The following PHKA1 variants were observed in gnomAD, a reference collection of about 807,000 sequenced individuals.
The protein encoded by PHKA1 is phosphorylase b kinase regulatory subunit alpha, skeletal muscle isoform.
PHKA1 carries 60 observed loss-of-function variants against 110.2 expected under a neutral mutation model. The ratio of observed to expected loss-of-function variants is 0.54; its 90% confidence interval spans 0.44 to 0.68. The LOEUF (loss-of-function observed/expected upper bound fraction) is 0.68. PHKA1 is among the 30% of genes least tolerant of loss of function. The probability of loss-of-function intolerance (pLI) is 0.00; values close to 1 mark genes in which losing one functional copy is unlikely to be tolerated. For synonymous variants in PHKA1, 316 were observed against 333.6 expected, an observed-to-expected ratio of 0.95 and a Z score of 0.58; for missense variants, 801 against 942.5, an observed-to-expected ratio of 0.85 and a Z score of 1.97.
intron 5 of PHKA1, among the ~76,000 whole-genome samples, chrX:72,679,020 G>T (rs1221329753): frequency 1.8e-5 from 2 of 111,829 alleles, no homozygotes; most frequent in Admixed American, 9.5e-5. Flanking sequence ...ATCTGCAGAG[G>T]GTCCCCCTCA....
intron 5 of PHKA1, among the ~76,000 whole-genome samples, chrX:72,677,262 G>A (rs1295626507): frequency 6.2e-5 from 7 of 112,142 alleles, no homozygotes; most frequent in Non-Finnish European, 1.3e-4. Context: ...TCATAGCAGG[G>A]ATATACAATG....
chrX:72,695,601 T>C (rs782074746), intron 4 of PHKA1, 107 bp downstream of exon 4: 1 of 740,128 alleles, frequency 1.4e-6, no homozygotes, highest in African/African-American at 2.1e-5. Flanking sequence ...AATACCTGTT[T>C]CATGAAGATC....
intron 30 of PHKA1, 37 bp from the exon 31 acceptor site, chrX:72,582,635 C>T (rs1556204714): frequency 3.2e-6 from 3 of 930,636 alleles, no homozygotes; most frequent in Non-Finnish European, 4.6e-6. Context: ...TCCTAAGAGT[C>T]CATCATCCAA....
chrX:72,619,142 T>C, intron 20 of PHKA1, 72 bp downstream of exon 20: 1 of 642,634 alleles, frequency 1.6e-6, no homozygotes, highest in Non-Finnish European at 2.6e-6. Flanking sequence ...CCATAATGAC[T>C]AGTCCTATTA....
At chrX:72,678,132 A>T (rs1222639724) in intron 5 of PHKA1, among the ~76,000 whole-genome samples, 1 of 111,390 alleles carries the variant, frequency 9.0e-6, no homozygotes, top group African/African-American at 3.3e-5. Flanking sequence ...ATCTTATCTC[A>T]TATTTTCCCC....
At chrX:72,694,186 T>C (rs1189685605) in intron 4 of PHKA1, among the ~76,000 whole-genome samples, 1 of 111,722 alleles carries the variant, frequency 9.0e-6, no homozygotes, top group African/African-American at 3.3e-5. Context: ...ATACTACCAC[T>C]TAAATCTCAC....
intron 6 of PHKA1, among the ~76,000 whole-genome samples, chrX:72,671,818 C>G (rs1356162252): frequency 9.0e-5 from 10 of 111,028 alleles, no homozygotes; most frequent in Non-Finnish European, 1.5e-4. Flanking sequence ...ACAAACCTGA[C>G]AAAAACAAGC....
chrX:72,613,844 T>C (rs1315619407), intron 21 of PHKA1, among the ~76,000 whole-genome samples: 1 of 111,971 alleles, frequency 8.9e-6, no homozygotes, highest in East Asian at 2.8e-4. Flanking sequence ...TAGTAATGTA[T>C]AATCTGAATT....
chrX:72,647,294 G>A (rs1163236576), intron 13 of PHKA1, among the ~76,000 whole-genome samples: 1 of 111,616 alleles, frequency 9.0e-6, no homozygotes, highest in African/African-American at 3.3e-5. Flanking sequence ...TGAGAGAGAG[G>A]ATTCCCTAGG....
At chrX:72,706,194 G>A (rs1295094934) in intron 2 of PHKA1, among the ~76,000 whole-genome samples, 2 of 111,810 alleles carry the variant, frequency 1.8e-5, no homozygotes, top group African/African-American at 3.2e-5. Context: ...CTTTTATTGA[G>A]GGAAAAATAA....
In PHKA1 at chrX:72,667,095, C is replaced by T. The variant is rs112936043; in HGVS notation, c.717+280G>A. ...AAAAGGAGATACTCAGAAAGAGAGA[C>T]CATATCCCTTTGATATGATAGTGGT... On this transcript the variant is annotated intron_variant, in intron 7 of 31. Coordinates refer to ENST00000373542, the MANE Select transcript of PHKA1 (RefSeq NM_002637.4). 8.2e-3 allele frequency among the ~76,000 whole-genome samples: 924 copies of T among 112,239 alleles called. 15 individuals carry two copies. The highest frequency in any genetic ancestry group is 0.028 in the African/African-American group (877 of 30,908).
At chrX:72,657,484 G>A in intron 9 of PHKA1, 104 bp downstream of exon 9, 1 of 581,352 alleles carries the variant, frequency 1.7e-6, no homozygotes, top group Non-Finnish European at 2.9e-6. Context: ...CCTACTTAGT[G>A]ATCTCTATAA....
At chrX:72,667,580 A>G in intron 6 of PHKA1, 107 bp from the exon 7 acceptor site, 1 of 572,940 alleles carries the variant, frequency 1.7e-6, no homozygotes, top group Non-Finnish European at 3.0e-6. Flanking sequence ...ACTTTTGAAT[A>G]TGTCTGACAG....
intron 8 of PHKA1, among the ~76,000 whole-genome samples, chrX:72,661,743 C>CAAAAAA (rs782779792): frequency 3.0e-5 from 1 of 33,110 alleles, no homozygotes; most frequent in Non-Finnish European, 6.3e-5. Context: ...AATGTACTGA[C>CAAAAAA]AAAAAAAAAA....
Position 72,667,440 on chromosome X carries a change from A to G in PHKA1, c.652T>C (p.Phe218Leu). Reference protein sequence around the residue: ...ALEALDELDLFGVKGGPQSVI... With the variant: ...ALEALDELDLLGVKGGPQSVI... The stretch of plus-strand genomic sequence containing the variant: ...GATTGAGGCCCACCTTTCACACCAA[A>G]CAGATCCAGTTCATCTAATGCTTCC... Residue 218 changes from phenylalanine to leucine, a missense_variant, in exon 7 of 32, where the codon TTT becomes CTT. Coordinates refer to ENST00000373542, the MANE Select transcript of PHKA1 (RefSeq NM_002637.4). The G allele has an allele frequency of 1.7e-6, 2 of 1,210,354 alleles. No individual in the cohort carries two copies. The highest frequency in any genetic ancestry group is 1.1e-6 in the Non-Finnish European group (1 of 894,192).
chrX:72,677,514 T>C (rs993348444), intron 5 of PHKA1, among the ~76,000 whole-genome samples: 27 of 112,198 alleles, frequency 2.4e-4, no homozygotes, highest in African/African-American at 8.7e-4. Context: ...GATTTTCCAG[T>C]TCTCTTCATT....
rs781997005 is a variant in PHKA1, at chrX:72,667,831, A to T, written c.619-358T>A. On this transcript the variant is annotated intron_variant, in intron 6 of 31. Coordinates refer to ENST00000373542, the MANE Select transcript of PHKA1 (RefSeq NM_002637.4). ...TCTTACTTTTCTAAATATATTTTTG[A>T]TCATAAAAGTAAAACACACTCCTTA... 1.1e-4 allele frequency among the ~76,000 whole-genome samples: 12 copies of T among 111,836 alleles called. No homozygotes were observed. In the South Asian group the frequency reaches 4.4e-3, roughly 41 times the overall value.
chrX:72,632,132 T>A (rs1437820850), intron 16 of PHKA1, among the ~76,000 whole-genome samples: 3 of 112,053 alleles, frequency 2.7e-5, no homozygotes, highest in Non-Finnish European at 5.6e-5. Flanking sequence ...ATTCTTTGTG[T>A]GTTCTGCCTT....
At position 72,620,867 on chromosome X, in the gene PHKA1, A is replaced by C; in HGVS notation, c.1995T>G (p.Asp665Glu). 1 of 1,211,223 alleles carries C rather than the reference A, an allele frequency of 8.3e-7. No homozygotes were observed. Residue 665 changes from aspartate (D) to glutamate (E), a missense_variant, in exon 19 of 32, where the codon GAT becomes GAG. Around this residue, in one of 2 missense-constraint regions of PHKA1, gnomAD observed 502 missense variants for 519.2 expected, o/e 0.97. Transcript: ENST00000373542. Reference protein sequence around the residue: ...RCGDEVARYLDHLLAHTAPHP... With the variant: ...RCGDEVARYLEHLLAHTAPHP... ...GGGGAGCAGTGTGCGCCAAAAGGTG[A>C]TCTAAATAACGAGCAACTTCATCAC...
Sources: allele counts gnomAD v4.1 joint callset (sites outside exome capture counted in the v4.1 genomes callset), GRCh38; gene constraint gnomAD v4.1.1; regional missense constraint gnomAD v4.1.1; transcripts MANE v1.5; gene names NCBI Gene and HGNC (gene_info 2026-07-23, HGNC 2026-07-21).